Variants in CNGB1 observed in about 807,000 individuals in gnomAD.
CNGB1 encodes cyclic nucleotide gated channel subunit beta 1.
Under a neutral mutation model 151.7 loss-of-function variants are expected in CNGB1, and 126 were observed. That is an observed-to-expected ratio of 0.83 (90% CI 0.72 to 0.96). The LOEUF (loss-of-function observed/expected upper bound fraction) is 0.96. CNGB1 is among the 40% of genes least tolerant of loss of function. The pLI is 0.00. For missense variants in CNGB1, 1,698 were observed against 1,627.0 expected (o/e 1.04, Z -0.75); for synonymous variants, 623 against 635.1 (o/e 0.98, Z 0.29).
chr16:57,947,782 C>T (rs1261375473), intron 14 of CNGB1, among the ~76,000 whole-genome samples: 1 of 152,204 alleles, frequency 6.6e-6, no homozygotes, highest in African/African-American at 2.4e-5. Flanking sequence ...GGGACGAGAA[C>T]ATCAGTGGCC....
chr16:57,905,028 G>A (rs891959410), intron 25 of CNGB1, among the ~76,000 whole-genome samples, 153 bp from the exon 26 acceptor site: 8 of 152,220 alleles, frequency 5.3e-5, no homozygotes, highest in Non-Finnish European at 7.3e-5. Context: ...CCTCCTGCAC[G>A]TGTAGAGCAC....
At chr16:57,970,854 C>G (rs1181555753) in intron 1 of CNGB1, among the ~76,000 whole-genome samples, 1 of 151,996 alleles carries the variant, frequency 6.6e-6, no homozygotes, top group Non-Finnish European at 1.5e-5. Flanking sequence ...CCTAGGTCCC[C>G]CAAGTCCTCC....
chr16:57,940,662 C>A (rs1324591238), intron 14 of CNGB1, among the ~76,000 whole-genome samples: 1 of 152,084 alleles, frequency 6.6e-6, no homozygotes, highest in South Asian at 2.1e-4. Flanking sequence ...ACAACATGTG[C>A]GAGAAATGCA....
chr16:57,921,412 G>T (rs932707384), intron 18 of CNGB1, among the ~76,000 whole-genome samples: 14 of 151,926 alleles, frequency 9.2e-5, no homozygotes, highest in Admixed American at 4.6e-4. Flanking sequence ...AGTAGAGAGG[G>T]GGTTTCACCA....
intron 31 of CNGB1, among the ~76,000 whole-genome samples, chr16:57,888,521 T>G (rs1960000930): frequency 6.6e-6 from 1 of 151,870 alleles, no homozygotes; most frequent in Admixed American, 6.6e-5. Context: ...CAGGCAGGAG[T>G]GTAGTGGCGT....
At chr16:57,958,384 C>T (rs1471177405) in intron 11 of CNGB1, 26 bp downstream of exon 11, 1 of 1,609,132 alleles carries the variant, frequency 6.2e-7, no homozygotes, top group African/African-American at 1.3e-5. Context: ...CCACCAGGGC[C>T]ACCACTCCAT....
chr16:57,907,719 G>A (rs1753729278), intron 25 of CNGB1, among the ~76,000 whole-genome samples: 1 of 152,168 alleles, frequency 6.6e-6, no homozygotes, highest in African/African-American at 2.4e-5. Context: ...AGATGAATAA[G>A]GAAGTGAATG....
chr16:57,949,364 C>T lies in CNGB1; in HGVS notation c.1110G>A (p.Glu370=), dbSNP rs987617029. 1.2e-6 allele frequency: 2 copies of T among 1,611,162 alleles called. No individual in the cohort carries two copies. Among genetic ancestry groups the T allele is most frequent in the Non-Finnish European group, 1.7e-6 (2 of 1,179,974 alleles). The stretch of plus-strand genomic sequence containing the variant: ...AGCAAATGACTTACTCAGTCACCTC[C>T]TCCTCTTCCTCCTCCTCCTCCTCTT... ...EEEEEEEEEE[E]EVTEVLLDSC... is the part of the protein sequence containing the mutation. The change falls in exon 14 of 33, where the codon GAG becomes GAA. Residue 370 remains glutamate, a synonymous_variant. Coordinates refer to ENST00000251102, the MANE Select transcript of CNGB1 (RefSeq NM_001297.5).
In CNGB1 at chr16:57,911,849, A is replaced by G. The variant is rs1960723955; in HGVS notation, c.2396T>C (p.Leu799Pro). The G allele has an allele frequency of 6.2e-7, 1 of 1,613,812 alleles. No individual in the cohort carries two copies. Among genetic ancestry groups the G allele is most frequent in the South Asian group, 1.1e-5 (1 of 91,076 alleles). The change falls in exon 25 of 33, where the codon CTC (leucine) becomes CCC (proline). Residue 799 changes from leucine to proline, a missense_variant. By Grantham distance (98) the Leu-to-Pro change is moderately conservative. Transcript: ENST00000251102. ...ACAGGAATTCAAATGCAGGCTGTAG[A>G]GAAGGTAGGCTGTGGTCCTGATGAC... ...YRVIRTTAYLLYSLHLNSCLY... is the reference protein window; with the variant it reads ...YRVIRTTAYLPYSLHLNSCLY...
In CNGB1 at chr16:57,960,073, G is replaced by T. The variant is rs1962203102; in HGVS notation, c.584-8C>A. On this transcript the variant is annotated splice_polypyrimidine_tract_variant and splice_region_variant and intron_variant, in intron 9 of 32. Coordinates refer to ENST00000251102, the MANE Select transcript of CNGB1 (RefSeq NM_001297.5). ...GGGGGCGTCCTGGAGGCGCTAAGCA[G>T]CGGGGAAAGCAGGAGCTAGAGACGC... 1 of 1,546,386 alleles carries T rather than the reference G, an allele frequency of 6.5e-7. No homozygotes were observed. The highest frequency in any genetic ancestry group is 8.7e-7 in the Non-Finnish European group (1 of 1,151,262).
chr16:57,916,512 A>G (rs1252930745), intron 21 of CNGB1, among the ~76,000 whole-genome samples: 1 of 152,228 alleles, frequency 6.6e-6, no homozygotes, highest in Non-Finnish European at 1.5e-5. Flanking sequence ...GCCAGAAAAG[A>G]GGTTCTCCAA....
intron 31 of CNGB1, among the ~76,000 whole-genome samples, chr16:57,893,778 C>T (rs1307564527): frequency 1.3e-5 from 2 of 152,106 alleles, no homozygotes; most frequent in Non-Finnish European, 2.9e-5. Context: ...TGCACTCCAG[C>T]CTTGGCGACA....
intron 3 of CNGB1, 112 bp from the exon 4 acceptor site, chr16:57,964,314 G>A (rs1312076042): frequency 6.5e-6 from 9 of 1,383,962 alleles, no homozygotes; most frequent in Non-Finnish European, 9.2e-6. Flanking sequence ...GGGTCAGAAA[G>A]CCAGGCTCCA....
intron 1 of CNGB1, among the ~76,000 whole-genome samples, chr16:57,970,367 C>T (rs938316824): frequency 1.5e-4 from 23 of 152,258 alleles, no homozygotes; most frequent in Admixed American, 5.9e-4. Context: ...CTCACCACCA[C>T]GCCCCGCCCA....
intron 14 of CNGB1, among the ~76,000 whole-genome samples, chr16:57,947,712 G>T (rs576922940): frequency 6.6e-6 from 1 of 152,254 alleles, no homozygotes; most frequent in South Asian, 2.1e-4. Context: ...CACTGAACAG[G>T]CTTCCAGCTC....
At chr16:57,954,544 G>A (rs995612740) in intron 12 of CNGB1, 5 of 351,232 alleles carry the variant, frequency 1.4e-5, no homozygotes, top group Non-Finnish European at 2.0e-5. Flanking sequence ...CCCCAGCTCA[G>A]GACCCCTGGC....
intron 14 of CNGB1, among the ~76,000 whole-genome samples, chr16:57,947,426 C>A (rs1337085005): frequency 6.6e-6 from 1 of 152,224 alleles, no homozygotes; most frequent in Non-Finnish European, 1.5e-5. Flanking sequence ...TGAAACCAGG[C>A]AGCAGCTAAG....
Position 57,904,744 on chromosome 16 carries a change from A to T in CNGB1, c.2624T>A (p.Met875Lys), listed in dbSNP as rs771574388. 1 of 1,614,192 alleles carries T rather than the reference A, an allele frequency of 6.2e-7. No homozygotes were observed. The highest frequency in any genetic ancestry group is 2.2e-5 in the East Asian group (1 of 44,886). Reference protein sequence around the residue: ...YFTGVFAFSVMIGQMRDVVGA... With the variant: ...YFTGVFAFSVKIGQMRDVVGA... The stretch of plus-strand genomic sequence containing the variant: ...CTGGTGCCCCGATACCTGTCCGATC[A>T]TCACAGAGAAAGCAAAGACGCCCGT... Residue 875 changes from methionine to lysine, a missense_variant, in exon 26 of 33, where the codon ATG becomes AAG. Physicochemically the swap from Met to Lys is moderately conservative, Grantham distance 95. Transcript: ENST00000251102.
At chr16:57,934,980 T>G (rs1596992883) in intron 16 of CNGB1, among the ~76,000 whole-genome samples, 4 of 134,120 alleles carry the variant, frequency 3.0e-5, no homozygotes, top group Admixed American at 7.5e-5. Context: ...AAAGCAGCAG[T>G]GGTTGCAGTG....
Sources: allele counts gnomAD v4.1 joint callset (sites outside exome capture counted in the v4.1 genomes callset), GRCh38; gene constraint gnomAD v4.1.1; transcripts MANE v1.5; gene names NCBI Gene and HGNC (gene_info 2026-07-23, HGNC 2026-07-21).